The following NCKAP5 variants were observed in gnomAD, a reference collection of about 807,000 sequenced individuals.
NCKAP5 encodes NCK associated protein 5.
NCKAP5 carries 92 observed loss-of-function variants against 167.0 expected under a neutral mutation model. The ratio of observed to expected loss-of-function variants is 0.55; its 90% CI spans 0.47 to 0.66. The LOEUF (loss-of-function observed/expected upper bound fraction) is 0.66, where lower values mean the gene tolerates loss of function less well. Ranked by LOEUF, NCKAP5 falls within the 30% of genes least tolerant of loss-of-function variation. The pLI, the probability that NCKAP5 is intolerant of heterozygous loss-of-function variation, is 0.00. For missense variants in NCKAP5, 2,378 were observed against 2,315.0 expected (o/e 1.03, Z -0.56); for synonymous variants, 891 against 877.4 (o/e 1.02, Z -0.27).
At chr2:133,188,777 T>G (rs891268187) in intron 5 of NCKAP5, among the ~76,000 whole-genome samples, 8 of 152,000 alleles carry the variant, frequency 5.3e-5, no homozygotes, top group African/African-American at 1.7e-4. Flanking sequence ...TGGGGCACAT[T>G]TAAAGCAGTG....
At chr2:133,526,266 A>G (rs1684906296) in intron 2 of NCKAP5, among the ~76,000 whole-genome samples, 1 of 50,296 alleles carries the variant, frequency 2.0e-5, no homozygotes, top group Admixed American at 2.6e-4. Context: ...GGAGGGAAGG[A>G]GGGAGGGAGG....
At chr2:133,386,469 T>C (rs1686974690) in intron 3 of NCKAP5, among the ~76,000 whole-genome samples, 1 of 152,226 alleles carries the variant, frequency 6.6e-6, no homozygotes, top group African/African-American at 2.4e-5. Flanking sequence ...TACTTCCAAC[T>C]ATGTGGACAA....
At chr2:132,707,010 C>T (rs1688422715) in intron 19 of NCKAP5, among the ~76,000 whole-genome samples, 2 of 152,250 alleles carry the variant, frequency 1.3e-5, no homozygotes, top group South Asian at 2.1e-4. Context: ...GCAGGAACAC[C>T]GAATTGAACA....
chr2:133,341,392 C>T (rs889813938), intron 3 of NCKAP5, among the ~76,000 whole-genome samples: 2 of 151,738 alleles, frequency 1.3e-5, no homozygotes, highest in East Asian at 1.9e-4. Context: ...GGAGTGGGCT[C>T]TCTTGCTTAG....
chr2:132,856,416 A>C (rs1211464546), intron 11 of NCKAP5, among the ~76,000 whole-genome samples: 1 of 152,148 alleles, frequency 6.6e-6, no homozygotes, highest in East Asian at 1.9e-4. Context: ...AGCAAAAACA[A>C]AAAGTCCGCA....
chr2:132,932,097 T>C (rs1333396972), intron 8 of NCKAP5, among the ~76,000 whole-genome samples: 1 of 152,208 alleles, frequency 6.6e-6, no homozygotes, highest in African/African-American at 2.4e-5. Context: ...CCTATTACAA[T>C]TGTATGCAAC....
chr2:132,701,529 G>GCTGCT (rs1687886558), intron 19 of NCKAP5, among the ~76,000 whole-genome samples: 1 of 152,044 alleles, frequency 6.6e-6, no homozygotes, highest in African/African-American at 2.4e-5. Context: ...AGATACTGCT[G>GCTGCT]CTGCTGCTGC....
chr2:133,013,436 T>C (rs1256304593), intron 6 of NCKAP5, among the ~76,000 whole-genome samples: 1 of 152,138 alleles, frequency 6.6e-6, no homozygotes, highest in Non-Finnish European at 1.5e-5. Context: ...TGGTGGAAGG[T>C]GAAAGGCACG....
chr2:133,058,411 A>G (rs1573898834), intron 6 of NCKAP5, among the ~76,000 whole-genome samples: 1 of 152,348 alleles, frequency 6.6e-6, no homozygotes, highest in East Asian at 1.9e-4. Context: ...TGCCATGAAG[A>G]ACATTTGTGA....
intron 7 of NCKAP5, among the ~76,000 whole-genome samples, chr2:132,988,859 A>C (rs943485896): frequency 6.6e-6 from 1 of 152,202 alleles, no homozygotes; most frequent in Admixed American, 6.5e-5. Flanking sequence ...AGCTATTTAC[A>C]TTAATTGGTG....
chr2:132,967,982 G>A (rs1352354885), intron 7 of NCKAP5, among the ~76,000 whole-genome samples: 3 of 152,004 alleles, frequency 2.0e-5, no homozygotes, highest in African/African-American at 7.3e-5. Context: ...GTTTGGGGAA[G>A]AGCATTCCCA....
At chr2:133,443,346 G>A (rs959199105) in intron 3 of NCKAP5, among the ~76,000 whole-genome samples, 2 of 152,164 alleles carry the variant, frequency 1.3e-5, no homozygotes, top group Non-Finnish European at 2.9e-5. Flanking sequence ...CAGGACATTA[G>A]TGAAACAAAA....
chr2:133,009,318 A>G (rs2078072723), intron 6 of NCKAP5, among the ~76,000 whole-genome samples: 1 of 152,156 alleles, frequency 6.6e-6, no homozygotes, highest in Admixed American at 6.5e-5. Flanking sequence ...CTATAAGCTC[A>G]TTAGGGACTC....
intron 8 of NCKAP5, among the ~76,000 whole-genome samples, chr2:132,899,748 A>G (rs1693475116): frequency 6.6e-6 from 1 of 152,094 alleles, no homozygotes; most frequent in Admixed American, 6.6e-5. Context: ...GGTGTCACAC[A>G]CCTGTAATCC....
intron 19 of NCKAP5, among the ~76,000 whole-genome samples, 155 bp from the exon 20 acceptor site, chr2:132,673,460 A>C (rs1286551604): frequency 6.6e-6 from 1 of 152,226 alleles, no homozygotes; most frequent in Non-Finnish European, 1.5e-5. Flanking sequence ...TAGATGTAAT[A>C]ATAAAGCCAA....
intron 19 of NCKAP5, among the ~76,000 whole-genome samples, chr2:132,709,186 AG>A (rs1283987198): frequency 6.6e-6 from 1 of 152,108 alleles, no homozygotes; most frequent in Non-Finnish European, 1.5e-5. Flanking sequence ...TTTAAAAAAA[AG>A]TTTTTAAACC....
intron 18 of NCKAP5, among the ~76,000 whole-genome samples, chr2:132,726,966 T>C (rs899724640): frequency 1.3e-5 from 2 of 152,218 alleles, no homozygotes; most frequent in Non-Finnish European, 2.9e-5. Context: ...AGGTACATCC[T>C]TTCATAGCTC....
chr2:133,528,899 A>T (rs1685133440), intron 2 of NCKAP5, among the ~76,000 whole-genome samples: 2 of 152,148 alleles, frequency 1.3e-5, no homozygotes, highest in African/African-American at 2.4e-5. Context: ...TGTCTTTCGG[A>T]AGAGCCCCTT....
chr2:133,123,441 C>A (rs1355157773), intron 6 of NCKAP5: 2 of 192,110 alleles, frequency 1.0e-5, no homozygotes, highest in Non-Finnish European at 2.2e-5. Flanking sequence ...CATTTAAAAT[C>A]TTTTCTTCCA....
Sources: gnomAD v4.1 joint callset for allele counts (sites outside exome capture counted in the v4.1 genomes callset) on GRCh38, gnomAD v4.1.1 for gene constraint, MANE v1.5 for transcripts, NCBI Gene and HGNC (gene_info 2026-07-23, HGNC 2026-07-21) for gene names.